The following FASTKD3 variants were observed in gnomAD, a reference collection of about 807,000 sequenced individuals.
The protein encoded by FASTKD3 is FAST kinase domain-containing protein 3, mitochondrial.
In FASTKD3, 47 loss-of-function variants were observed where a neutral mutation model predicts 49.7. The observed-to-expected ratio is 0.95, with a 90% confidence interval of 0.75 to 1.21. FASTKD3 has a LOEUF of 1.21. Ranked by LOEUF, FASTKD3 falls within the 50% of genes most tolerant of loss-of-function variation. The pLI is 0.00. For missense variants in FASTKD3, 748 were observed against 765.7 expected, an observed-to-expected ratio of 0.98 and a Z score of 0.27; for synonymous variants, 284 against 288.6, an observed-to-expected ratio of 0.98 and a Z score of 0.16.
chr5:7,862,738 C>G (rs1746639829), intron 4 of FASTKD3, 85 bp downstream of exon 4: 1 of 1,196,128 alleles, frequency 8.4e-7, no homozygotes, highest in Admixed American at 2.2e-5. Context: ...TTCCAGAGAA[C>G]TTCTATTGCT....
chr5:7,866,662 G>A lies in FASTKD3; in HGVS notation c.1422C>T (p.Phe474=). Residue 474 remains phenylalanine, a synonymous_variant, in exon 2 of 7, where the codon TTC becomes TTT. Coordinates refer to ENST00000264669, the MANE Select transcript of FASTKD3 (RefSeq NM_024091.4). ...CCAACTCACCTTGCAGCCGTTGAAG[G>A]AAAAGAGGCTTGAATATTTTTGCCA... ...NFLAKIFKPL[F]LQRLQGKESH... is the part of the protein sequence containing the mutation. 1 of 1,590,914 alleles carries A rather than the reference G, an allele frequency of 6.3e-7. No homozygotes were observed. Among genetic ancestry groups the A allele is most frequent in the Non-Finnish European group, 8.5e-7 (1 of 1,170,280 alleles).
At chr5:7,860,204 C>G (rs1746434375) in intron 6 of FASTKD3, among the ~76,000 whole-genome samples, 1 of 152,106 alleles carries the variant, frequency 6.6e-6, no homozygotes, top group Non-Finnish European at 1.5e-5. Flanking sequence ...GAATATTCAG[C>G]TGGGGATGTG....
At position 7,862,930 on chromosome 5, in the gene FASTKD3, G is replaced by A; in HGVS notation, c.1592C>T (p.Pro531Leu). 6.2e-7 allele frequency: 1 copy of A among 1,614,020 alleles called. No individual in the cohort carries two copies. Among genetic ancestry groups the A allele is most frequent in the Non-Finnish European group, 8.5e-7 (1 of 1,179,924 alleles). ...FLTPCCSLET[P>L]VDSQLYRYVK... ...ATATCTATAAAGCTGAGAATCCACA[G>A]GGGTCTCCAGGGAACAGCATGGGGT... Residue 531 changes from proline to leucine, a missense_variant, in exon 4 of 7, where the codon CCT becomes CTT. Around this residue, in one of 3 missense-constraint regions of FASTKD3, gnomAD observed 178 missense variants for 182.2 expected, o/e 0.98. Coordinates refer to ENST00000264669, the MANE Select transcript of FASTKD3 (RefSeq NM_024091.4).
rs1372574499 is a variant in FASTKD3, at chr5:7,867,393, A to C, written c.691T>G (p.Ser231Ala). Residue 231 changes from serine to alanine, a missense_variant, in exon 2 of 7, where the codon TCA becomes GCA. Coordinates refer to ENST00000264669, the MANE Select transcript of FASTKD3 (RefSeq NM_024091.4). ...LGESLITLHS[S>A]GCVTLELIIN... is the part of the protein sequence containing the mutation. ...ATGAGTTCTAGTGTCACACAACCTG[A>C]ACTGTGCAGTGTAATCAGACTTTCC... 2.5e-6 allele frequency: 4 copies of C among 1,614,206 alleles called. No individual in the cohort carries two copies. The highest frequency in any genetic ancestry group is 1.7e-6 in the Non-Finnish European group (2 of 1,180,044).
chr5:7,867,731 A>G lies in FASTKD3; in HGVS notation c.353T>C (p.Phe118Ser). Residue 118 changes from phenylalanine (F) to serine (S), a missense_variant, in exon 2 of 7, where the codon TTT becomes TCT. This residue lies in a region of FASTKD3 where 564 missense variants were observed against 562.8 expected (regional missense o/e 1.00). Transcript: ENST00000264669. ...NLTSSEEVLSFISTMETLPDT... is the reference protein window; with the variant it reads ...NLTSSEEVLSSISTMETLPDT... ...AGGCAGGGTTTCCATCGTGCTTATA[A>G]AACTTAGCACTTCTTCTGATGAAGT... 6.2e-7 allele frequency: 1 copy of G among 1,614,196 alleles called. No homozygotes were observed. The highest frequency in any genetic ancestry group is 8.5e-7 in the Non-Finnish European group (1 of 1,180,030).
intron 1 of FASTKD3, 55 bp downstream of exon 1, chr5:7,868,924 A>C (rs1005469469): frequency 3.0e-5 from 19 of 638,724 alleles, no homozygotes; most frequent in Middle Eastern, 4.1e-4. Flanking sequence ...AAAGCCGGCC[A>C]GGTCTTTGAC....
intron 2 of FASTKD3, 74 bp from the exon 3 acceptor site, chr5:7,866,057 A>C (rs1746925234): frequency 9.3e-7 from 1 of 1,073,672 alleles, no homozygotes; most frequent in Non-Finnish European, 1.5e-6. Context: ...TGAACATTCA[A>C]CATCAATTTA....
chr5:7,867,115 C>G lies in FASTKD3; in HGVS notation c.969G>C (p.Val323=). ...CGTTAGTGAAATGTGGGACATGCCT[C>G]ACGACATATTTGCCCAATTTTATAA... ...PLIIKLGKYV[V]RHVPHFTNEE... Residue 323 remains valine, a synonymous_variant, in exon 2 of 7, where the codon GTG becomes GTC. Transcript: ENST00000264669. 1 of 1,614,150 alleles carries G rather than the reference C, an allele frequency of 6.2e-7. No individual in the cohort carries two copies.
intron 4 of FASTKD3, 49 bp from the exon 5 acceptor site, chr5:7,861,701 A>G (rs1206882125): frequency 6.3e-7 from 1 of 1,580,916 alleles, no homozygotes; most frequent in East Asian, 2.3e-5. Context: ...CCTCACAAAC[A>G]CTATCTTCCT....
intron 2 of FASTKD3, among the ~76,000 whole-genome samples, 178 bp downstream of exon 2, chr5:7,866,468 A>C (rs566681368): frequency 2.6e-5 from 4 of 152,300 alleles, no homozygotes; most frequent in African/African-American, 9.6e-5. Context: ...TTCCCTCTAC[A>C]TGATTTCCTA....
chr5:7,864,372 A>T (rs1746781118), intron 3 of FASTKD3, among the ~76,000 whole-genome samples: 1 of 152,198 alleles, frequency 6.6e-6, no homozygotes, highest in African/African-American at 2.4e-5. Flanking sequence ...TATTATTTTT[A>T]AAAATGTAAA....
Position 7,867,946 on chromosome 5 carries a change from A to G in FASTKD3, c.138T>C (p.Cys46=), listed in dbSNP as rs149819178. The change falls in exon 2 of 7, where the codon TGT becomes TGC. Residue 46 remains cysteine, a synonymous_variant. Coordinates refer to ENST00000264669, the MANE Select transcript of FASTKD3 (RefSeq NM_024091.4). ...VVKERLCPWL[C]SRQPEPFGVK... is the part of the protein sequence containing the mutation. ...CCCCGAAAGGCTCAGGTTGTCGTGAACACAACCAAGGGCACAGACGCTCCT... is the reference window on the plus strand; with the variant it reads ...CCCCGAAAGGCTCAGGTTGTCGTGAGCACAACCAAGGGCACAGACGCTCCT... 3.5e-4 allele frequency: 567 copies of G among 1,614,166 alleles called. 1 individual carries two copies. Among genetic ancestry groups the G allele is most frequent in the Middle Eastern group, 8.2e-4 (5 of 6,062 alleles).
At position 7,866,015 on chromosome 5, in the gene FASTKD3, G is replaced by A. The variant is rs199632455; in HGVS notation, c.1439-32C>T. ...CAGAAAGCATCCCAGTCATAGTTAC[G>A]TCTGAATTGAGGTATGTATGAGAGA... is the stretch of plus-strand genomic sequence containing the variant. On this transcript the variant is annotated intron_variant, in intron 2 of 6. Transcript: ENST00000264669. The A allele has an allele frequency of 9.0e-4, 1,368 of 1,517,308 alleles. 11 individuals are homozygous for A. In the African/African-American group the frequency reaches 0.015, roughly 17 times the overall value. 94.0% of individuals were successfully genotyped at this position (1,517,308 alleles called of 1,614,324 possible). A position where few individuals can be genotyped will look rare whatever the true frequency, so the allele number is the denominator to read the frequency against.
At position 7,867,087 on chromosome 5, in the gene FASTKD3, C is replaced by T. The variant is rs903946196; in HGVS notation, c.997G>A (p.Glu333Lys). Reference protein sequence around the residue: ...VRHVPHFTNEELRRVLEAFIY... With the variant: ...VRHVPHFTNEKLRRVLEAFIY... ...AACGCCTCCAAGACTCTCCTAAGCTCCTCGTTAGTGAAATGTGGGACATGC... is the reference window on the plus strand; with the variant it reads ...AACGCCTCCAAGACTCTCCTAAGCTTCTCGTTAGTGAAATGTGGGACATGC... The change falls in exon 2 of 7, where the codon GAG becomes AAG. Residue 333 changes from glutamate (E) to lysine (K), a missense_variant. Coordinates refer to ENST00000264669, the MANE Select transcript of FASTKD3 (RefSeq NM_024091.4). 3 of 1,614,042 alleles carry T rather than the reference C, an allele frequency of 1.9e-6. No homozygotes were observed. In the African/African-American group the frequency reaches 4.0e-5, roughly 22 times the overall value.
At chr5:7,863,405 G>GAAAATCC (rs1353319647) in intron 3 of FASTKD3, 1 of 161,780 alleles carries the variant, frequency 6.2e-6, no homozygotes, top group Non-Finnish European at 1.3e-5. Context: ...TCTCTAATCT[G>GAAAATCC]AAAATCCAAA....
chr5:7,866,313 CA>C (rs35385669), intron 2 of FASTKD3, among the ~76,000 whole-genome samples: 12,905 of 140,318 alleles, frequency 0.092, 903 homozygotes, highest in East Asian at 0.22. Context: ...ACCATCCTCT[CA>C]AAAAAAAAAA....
rs753571345 is a variant in FASTKD3 at position 7,866,676 on chromosome 5, A to G, written c.1408T>C (p.Phe470Leu). ...CHPVNFLAKI[F>L]KPLFLQRLQG... is the part of the protein sequence containing the mutation. ...AGCCGTTGAAGGAAAAGAGGCTTGA[A>G]TATTTTTGCCAGAAAGTTGACTGGA... The change falls in exon 2 of 7, where the codon TTC (phenylalanine) becomes CTC (leucine). Residue 470 changes from phenylalanine (F) to leucine (L), a missense_variant. Phe to Leu is a conservative substitution (Grantham distance 22). Around this residue, in one of 3 missense-constraint regions of FASTKD3, gnomAD observed 564 missense variants for 562.8 expected, o/e 1.00. Transcript: ENST00000264669. 6.9e-6 allele frequency: 11 copies of G among 1,597,074 alleles called. No individual in the cohort carries two copies. The East Asian group carries it at 8.9e-5, about 13-fold the overall frequency.
Position 7,868,200 on chromosome 5 carries a change from GAAAAAAAAAAAA to G in FASTKD3, c.-113-16_-113-5del. The G allele has an allele frequency of 9.0e-6, 2 of 222,566 alleles. No homozygotes were observed. Among genetic ancestry groups the G allele is most frequent in the South Asian group, 2.3e-4 (2 of 8,604 alleles). 13.8% of individuals were successfully genotyped at this position (222,566 alleles called of 1,614,324 possible). A position where few individuals can be genotyped will look rare whatever the true frequency, so the allele number is the denominator to read the frequency against. ...TTATGAAACTACAAACGAGTATCTG[GAAAAAAAAAAAA>G]AAAAAAAAAAAGGATGGTTAACATA... is the stretch of plus-strand genomic sequence containing the variant. On this transcript the variant is annotated splice_polypyrimidine_tract_variant and splice_region_variant and intron_variant, in intron 1 of 6. Transcript: ENST00000264669.
intron 2 of FASTKD3, 63 bp from the exon 3 acceptor site, chr5:7,866,046 A>T (rs1051684899): frequency 1.3e-5 from 16 of 1,219,486 alleles, no homozygotes; most frequent in Non-Finnish European, 1.8e-5. Context: ...AGAGAACATC[A>T]TGAACATTCA....
Sources: allele counts gnomAD v4.1 joint callset (sites outside exome capture counted in the v4.1 genomes callset), GRCh38; gene constraint gnomAD v4.1.1; regional missense constraint gnomAD v4.1.1; transcripts MANE v1.5; gene names NCBI Gene and HGNC (gene_info 2026-07-23, HGNC 2026-07-21).